Variants in CSN1S1 observed in about 807,000 individuals in gnomAD.
CSN1S1 encodes alpha-S1-casein.
A neutral mutation model predicts 49.1 loss-of-function variants in CSN1S1; 63 were observed. That is an observed-to-expected ratio of 1.28 (90% confidence interval 1.05 to 1.58). The LOEUF is 1.58. Among genes scored for constraint, CSN1S1 ranks in the 40% most tolerant of loss-of-function variants. The probability of loss-of-function intolerance (pLI) is 0.00; values close to 1 mark genes in which losing one functional copy is unlikely to be tolerated. For synonymous variants in CSN1S1, 78 were observed against 67.1 expected (o/e 1.16, Z -0.79); for missense variants, 260 against 224.7 (o/e 1.16, Z -1.01).
intron 14 of CSN1S1, among the ~76,000 whole-genome samples, chr4:69,942,900 AGT>A: frequency 6.6e-6 from 1 of 151,712 alleles, no homozygotes; most frequent in Non-Finnish European, 1.5e-5. Flanking sequence ...TGTTTAATTC[AGT>A]GTCTCTTGTC....
Position 69,932,824 on chromosome 4 carries a change from G to C in CSN1S1, c.51+218G>C, listed in dbSNP as rs1487403555. ...TAACTCTGAATAAAATGTCTGACTT[G>C]AATTATAAGCACCCCACAATAAAAA... On this transcript the variant is annotated intron_variant, in intron 2 of 15. Coordinates refer to ENST00000246891, the MANE Select transcript of CSN1S1 (RefSeq NM_001890.2). 1.3e-5 allele frequency among the ~76,000 whole-genome samples: 2 copies of C among 151,712 alleles called. 1 individual carries two copies. The highest frequency in any genetic ancestry group is 4.8e-5 in the African/African-American group (2 of 41,340).
intron 12 of CSN1S1, 70 bp downstream of exon 12, chr4:69,941,130 T>G: frequency 1.5e-6 from 1 of 659,510 alleles, no homozygotes; most frequent in Non-Finnish European, 2.4e-6. Context: ...AATTTTAAAT[T>G]GGGGCCATTT....
At chr4:69,935,816 C>G (rs1722760333) in intron 4 of CSN1S1, 110 bp from the exon 5 acceptor site, 6 of 735,804 alleles carry the variant, frequency 8.2e-6, no homozygotes, top group South Asian at 4.9e-5. Context: ...TAATTTTTGA[C>G]TTAATTGTTG....
chr4:69,942,127 G>A, intron 13 of CSN1S1, 64 bp downstream of exon 13: 1 of 926,994 alleles, frequency 1.1e-6, no homozygotes, highest in Non-Finnish European at 1.6e-6. Flanking sequence ...TTTTTATAAT[G>A]CATGATTCTC....
In CSN1S1 at chr4:69,939,349, G is replaced by A. The variant is rs1179513543; in HGVS notation, c.276+141G>A. ...GCACTATTCTAGTTTTAGTATGTGAGTAGCTATCCAAAAGAAGTAAGAAAG... is the reference window on the plus strand; with the variant it reads ...GCACTATTCTAGTTTTAGTATGTGAATAGCTATCCAAAAGAAGTAAGAAAG... On this transcript the variant is annotated intron_variant, in intron 10 of 15. Coordinates refer to ENST00000246891, the MANE Select transcript of CSN1S1 (RefSeq NM_001890.2). 1.5e-4 allele frequency: 69 copies of A among 453,954 alleles called. No homozygotes were observed. The East Asian group carries it at 2.3e-3, about 15-fold the overall frequency. The allele number at this position is 453,954 out of a possible 1,614,324, so 28.1% of individuals were successfully genotyped here.
chr4:69,931,927 T>TC (rs1359768329), intron 1 of CSN1S1, among the ~76,000 whole-genome samples: 6 of 151,942 alleles, frequency 3.9e-5, no homozygotes, highest in Non-Finnish European at 7.4e-5. Flanking sequence ...CATCTTTATA[T>TC]ATTTATGTCA....
chr4:69,934,619 T>C (rs1385678322), intron 3 of CSN1S1, 71 bp from the exon 4 acceptor site: 4 of 1,420,420 alleles, frequency 2.8e-6, no homozygotes, highest in Non-Finnish European at 3.9e-6. Flanking sequence ...CAACTTTCTA[T>C]GAGCACAACT....
chr4:69,933,015 C>T (rs908159537), intron 2 of CSN1S1, among the ~76,000 whole-genome samples: 3 of 151,694 alleles, frequency 2.0e-5, no homozygotes, highest in African/African-American at 7.3e-5. Flanking sequence ...AACACAAAGC[C>T]ACATGTTCCA....
rs369900475 is a variant in CSN1S1 at position 69,939,112 on chromosome 4, A to T, written c.244-64A>T. The T allele has an allele frequency of 1.4e-4, 168 of 1,181,518 alleles. No homozygotes were observed. The African/African-American group carries it at 2.3e-3, about 16-fold the overall frequency. The allele number at this position is 1,181,518 out of a possible 1,614,324, so 73.2% of individuals were successfully genotyped here. A position where few individuals can be genotyped will look rare whatever the true frequency, so the allele number is the denominator to read the frequency against. ...TAAGCATTTCACCATGATGACATGG[A>T]ACTAGTTTCCTTCAAATTCTAAAAA... On this transcript the variant is annotated intron_variant, in intron 9 of 15. Coordinates refer to ENST00000246891, the MANE Select transcript of CSN1S1 (RefSeq NM_001890.2).
chr4:69,937,081 T>G, intron 7 of CSN1S1, 40 bp from the exon 8 acceptor site: 1 of 1,507,248 alleles, frequency 6.6e-7, no homozygotes, highest in African/African-American at 1.4e-5. Context: ...TATATCTTCT[T>G]AACAATCTGT....
intron 15 of CSN1S1, 117 bp from the exon 16 acceptor site, chr4:69,946,079 A>G: frequency 5.8e-6 from 2 of 346,574 alleles, no homozygotes; most frequent in East Asian, 4.2e-5. Flanking sequence ...CATAAATAAC[A>G]TTGTGAGCTT....
intron 10 of CSN1S1, 40 bp downstream of exon 10, chr4:69,939,248 T>TA: frequency 1.5e-5 from 22 of 1,468,172 alleles, no homozygotes; most frequent in Non-Finnish European, 2.0e-5. Flanking sequence ...CCAACTAATT[T>TA]AAAAAATTAT....
Position 69,936,559 on chromosome 4 carries a change from A to C in CSN1S1, c.154-7A>C, listed in dbSNP as rs748593026. 2.5e-6 allele frequency: 4 copies of C among 1,605,482 alleles called. No individual in the cohort carries two copies. On this transcript the variant is annotated splice_polypyrimidine_tract_variant and splice_region_variant and intron_variant, in intron 6 of 15. Transcript: ENST00000246891. ...ATATTTTACAAGGTACACTTTATTG[A>C]TTTTAGCAGAGAAACATTCTGAGAG... is the stretch of plus-strand genomic sequence containing the variant.
intron 8 of CSN1S1, 115 bp downstream of exon 8, chr4:69,937,259 A>G: frequency 1.4e-6 from 1 of 739,776 alleles, no homozygotes; most frequent in Non-Finnish European, 2.1e-6. Context: ...TCTAATTCAA[A>G]GAAAGAAAAG....
intron 10 of CSN1S1, among the ~76,000 whole-genome samples, chr4:69,939,568 A>G (rs538607054): frequency 6.6e-6 from 1 of 151,882 alleles, no homozygotes; most frequent in East Asian, 1.9e-4. Flanking sequence ...TTCATAAACC[A>G]TTTAGAATTT....
In CSN1S1 at chr4:69,945,019, A is replaced by G. The variant is rs1421759085; in HGVS notation, c.557+15A>G. 3.1e-6 allele frequency: 5 copies of G among 1,610,632 alleles called. No individual in the cohort carries two copies. In the Admixed American group the frequency reaches 8.4e-5, roughly 27 times the overall value. ...CTACAGTGGTGGTAAGTTCATTTAA[A>G]TTACTACATCTTGATGTTCTACCAA... On this transcript the variant is annotated intron_variant, in intron 15 of 15. Transcript: ENST00000246891.
intron 9 of CSN1S1, 86 bp from the exon 10 acceptor site, chr4:69,939,090 G>T (rs893005388): frequency 2.2e-6 from 2 of 905,584 alleles, no homozygotes; most frequent in Admixed American, 2.0e-5. Context: ...ACCATGGTAA[G>T]CATTTCACCA....
chr4:69,942,717 A>G (rs2877505), intron 14 of CSN1S1, 140 bp downstream of exon 14: 28 of 663,844 alleles, frequency 4.2e-5, no homozygotes, highest in Non-Finnish European at 7.2e-5. Flanking sequence ...CTCAGTTCTG[A>G]CAACTTCTAA....
chr4:69,941,666 A>G (rs77440121), intron 12 of CSN1S1, among the ~76,000 whole-genome samples: 1 of 151,936 alleles, frequency 6.6e-6, no homozygotes, highest in Non-Finnish European at 1.5e-5. Flanking sequence ...TTTAATCGTT[A>G]TCAATAGAGG....
Sources: gnomAD v4.1 joint callset for allele counts (sites outside exome capture counted in the v4.1 genomes callset) on GRCh38, gnomAD v4.1.1 for gene constraint, MANE v1.5 for transcripts, NCBI Gene and HGNC (gene_info 2026-07-23, HGNC 2026-07-21) for gene names.